ZNF670: variants seen among roughly 807,000 people sequenced by gnomAD.
ZNF670 encodes the protein zinc finger protein 670.
Under a neutral mutation model 10.9 loss-of-function variants are expected in ZNF670, and 7 were observed. That is an observed-to-expected ratio of 0.64 (90% CI 0.36 to 1.20). The LOEUF (loss-of-function observed/expected upper bound fraction) is 1.20, where lower values mean the gene tolerates loss of function less well. ZNF670 is among the 50% of genes most tolerant of loss of function. The probability of loss-of-function intolerance (pLI) is 0.02; values close to 1 mark genes in which losing one functional copy is unlikely to be tolerated. For synonymous variants in ZNF670, 136 were observed against 152.7 expected, an observed-to-expected ratio of 0.89 and a Z score of 0.81; for missense variants, 446 against 458.6, an observed-to-expected ratio of 0.97 and a Z score of 0.25.
chr1:247,078,544 C>T (rs202160915), intron 1 of ZNF670, 50 bp downstream of exon 1: 162 of 1,612,558 alleles, frequency 1.0e-4, no homozygotes, highest in Non-Finnish European at 5.3e-5. Flanking sequence ...ACAACCGCTT[C>T]CTGGCGGTTC....
chr1:247,044,936 T>C (rs971248454), intron 1 of ZNF670, among the ~76,000 whole-genome samples: 2 of 151,728 alleles, frequency 1.3e-5, no homozygotes, highest in Non-Finnish European at 2.9e-5. Flanking sequence ...AATCTGCATA[T>C]GTACCCCCCA....
chr1:247,044,883 T>C (rs1034208901), intron 1 of ZNF670, among the ~76,000 whole-genome samples: 24 of 151,894 alleles, frequency 1.6e-4, no homozygotes, highest in Admixed American at 1.4e-3. Flanking sequence ...ACAAAATCAT[T>C]TATGCAGCAA....
intron 1 of ZNF670, among the ~76,000 whole-genome samples, chr1:247,078,359 T>C (rs1448449922): frequency 6.6e-6 from 1 of 151,964 alleles, no homozygotes; most frequent in Non-Finnish European, 1.5e-5. Flanking sequence ...GAGATGCGGG[T>C]CTACAGAGGC....
chr1:247,071,752 G>C (rs750017777), intron 1 of ZNF670, among the ~76,000 whole-genome samples: 1 of 151,926 alleles, frequency 6.6e-6, no homozygotes, highest in Non-Finnish European at 1.5e-5. Flanking sequence ...TTTTAAATTT[G>C]AGTTATCTAT....
At chr1:247,058,978 T>C (rs1291667071) in intron 1 of ZNF670, among the ~76,000 whole-genome samples, 1 of 152,164 alleles carries the variant, frequency 6.6e-6, no homozygotes, top group Non-Finnish European at 1.5e-5. Flanking sequence ...AGATTCTCTA[T>C]ACGCTCTTCC....
chr1:247,035,183 G>A lies in ZNF670; in HGVS notation c.*2266C>T, dbSNP rs1461317361. ...CAGTCATGGTTGGTTCATTCTGTTG[G>A]TAATGCCAATTGTTTTCACAGTCTC... On this transcript the variant is annotated 3_prime_UTR_variant, in exon 4 of 4. Coordinates refer to ENST00000366503, the MANE Select transcript of ZNF670 (RefSeq NM_033213.5). Among the ~76,000 whole-genome samples, 1 of 152,210 alleles carries A rather than the reference G, an allele frequency of 6.6e-6. No homozygotes were observed. The highest frequency in any genetic ancestry group is 2.4e-5 in the African/African-American group (1 of 41,454).
intron 1 of ZNF670, 92 bp from the exon 2 acceptor site, chr1:247,039,629 G>T: frequency 7.6e-7 from 1 of 1,320,858 alleles, no homozygotes; most frequent in Non-Finnish European, 9.8e-7. Flanking sequence ...ACATAATTCT[G>T]CAGACTTCAA....
intron 1 of ZNF670, among the ~76,000 whole-genome samples, chr1:247,040,686 A>T (rs996630986): frequency 3.3e-5 from 5 of 151,948 alleles, no homozygotes; most frequent in Non-Finnish European, 7.4e-5. Flanking sequence ...TTTTTATTTT[A>T]TTTTTTTATT....
intron 1 of ZNF670, among the ~76,000 whole-genome samples, chr1:247,061,670 C>G (rs1333323875): frequency 6.6e-6 from 1 of 152,156 alleles, no homozygotes; most frequent in African/African-American, 2.4e-5. Context: ...ATTTTAACTT[C>G]CATGAAATCC....
At chr1:247,056,698 G>C (rs986757650) in intron 1 of ZNF670, among the ~76,000 whole-genome samples, 1 of 152,090 alleles carries the variant, frequency 6.6e-6, no homozygotes, top group Admixed American at 6.6e-5. Flanking sequence ...TGAGGAGTTC[G>C]AGACCAGTGA....
chr1:247,076,656 C>CTTT, intron 1 of ZNF670, among the ~76,000 whole-genome samples: 1 of 121,062 alleles, frequency 8.3e-6, no homozygotes, highest in Non-Finnish European at 1.7e-5. Flanking sequence ...AGAATAAACT[C>CTTT]TCTTTTTTTT....
intron 1 of ZNF670, among the ~76,000 whole-genome samples, chr1:247,072,572 G>A (rs992655566): frequency 2.6e-5 from 4 of 151,390 alleles, no homozygotes; most frequent in Non-Finnish European, 4.4e-5. Context: ...ATCACCTGAG[G>A]TCAGGAATTC....
In ZNF670 at chr1:247,035,911, A is replaced by G. The variant is rs1238352720; in HGVS notation, c.*1538T>C. On this transcript the variant is annotated 3_prime_UTR_variant, in exon 4 of 4. Transcript: ENST00000366503. ...TTACTGGATGAGCATCCCTAATCCA[A>G]ATATCAAAAATCCTCTAATGAGCAT... 3.3e-5 allele frequency among the ~76,000 whole-genome samples: 5 copies of G among 152,224 alleles called. No individual in the cohort carries two copies. The highest frequency in any genetic ancestry group is 1.2e-4 in the African/African-American group (5 of 41,452).
At chr1:247,040,785 T>C (rs959552534) in intron 1 of ZNF670, among the ~76,000 whole-genome samples, 6 of 152,114 alleles carry the variant, frequency 3.9e-5, no homozygotes, top group South Asian at 2.1e-4. Context: ...CTCCGCTGCC[T>C]CCCAGGTTCA....
intron 1 of ZNF670, among the ~76,000 whole-genome samples, chr1:247,070,450 G>A (rs984881566): frequency 2.0e-5 from 3 of 152,074 alleles, no homozygotes; most frequent in African/African-American, 7.2e-5. Flanking sequence ...CAGCCTGGGC[G>A]ACAGAGTGAG....
chr1:247,037,856 A>G lies in ZNF670; in HGVS notation c.763T>C (p.Cys255Arg), dbSNP rs755187559. The G allele has an allele frequency of 6.2e-7, 1 of 1,613,604 alleles. No individual in the cohort carries two copies. Among genetic ancestry groups the G allele is most frequent in the African/African-American group, 1.3e-5 (1 of 74,994 alleles). Reference sequence around the variant, plus strand: ...CTGAAGGCTTTGCCACATTCCTTACATTCATAGGGTTTCTCTCCAGTATGA... The same window carrying G: ...CTGAAGGCTTTGCCACATTCCTTACGTTCATAGGGTTTCTCTCCAGTATGA... Reference protein sequence around the residue: ...RSHTGEKPYECKECGKAFSRS... With the variant: ...RSHTGEKPYERKECGKAFSRS... Residue 255 changes from cysteine (C) to arginine (R), a missense_variant, in exon 4 of 4, where the codon TGT becomes CGT. By Grantham distance (180) the Cys-to-Arg change is radical (BLOSUM62 -3). Transcript: ENST00000366503.
In ZNF670 at chr1:247,038,863, T is replaced by A; in HGVS notation, c.138A>T (p.Lys46Asn). Reference protein sequence around the residue: ...IFRNLASVGNKSEDQNIQDDF... With the variant: ...IFRNLASVGNNSEDQNIQDDF... Reference sequence around the variant, plus strand: ...CATCTTGGATATTCTGGTCTTCTGATTTGTTTCCTAAAAGGTACAACCATA... The same window carrying A: ...CATCTTGGATATTCTGGTCTTCTGAATTGTTTCCTAAAAGGTACAACCATA... The change falls in exon 3 of 4, where the codon AAA (lysine) becomes AAT (asparagine). Residue 46 changes from lysine (K) to asparagine (N), a missense_variant. Physicochemically the swap from Lys to Asn is moderately conservative, Grantham distance 94 (BLOSUM62 0). Transcript: ENST00000366503. 5 of 1,612,002 alleles carry A rather than the reference T, an allele frequency of 3.1e-6. No homozygotes were observed. The highest frequency in any genetic ancestry group is 4.2e-6 in the Non-Finnish European group (5 of 1,178,820).
intron 1 of ZNF670, among the ~76,000 whole-genome samples, chr1:247,060,932 ATG>A (rs1165020040): frequency 6.6e-6 from 1 of 152,132 alleles, no homozygotes; most frequent in Non-Finnish European, 1.5e-5. Context: ...GGTTGTCATT[ATG>A]TGGACATTTC....
In ZNF670 at chr1:247,038,112, A is replaced by G. The variant is rs1458426385; in HGVS notation, c.507T>C (p.Tyr169=). The G allele has an allele frequency of 6.2e-7, 1 of 1,614,188 alleles. No individual in the cohort carries two copies. ...HMVTHTSNGP[Y]KGPVYEKPFD... Reference sequence around the variant, plus strand: ...AAGGCTTCTCATACACTGGACCCTTATAAGGCCCATTACTAGTGTGTGTTA... The same window carrying G: ...AAGGCTTCTCATACACTGGACCCTTGTAAGGCCCATTACTAGTGTGTGTTA... The change falls in exon 4 of 4, where the codon TAT becomes TAC. Residue 169 remains tyrosine (Y), a synonymous_variant. Transcript: ENST00000366503.
Sources: allele counts gnomAD v4.1 joint callset (sites outside exome capture counted in the v4.1 genomes callset), GRCh38; gene constraint gnomAD v4.1.1; transcripts MANE v1.5; gene names NCBI Gene and HGNC (gene_info 2026-07-23, HGNC 2026-07-21).